Variants in ADAT2 observed in about 807,000 individuals in gnomAD.
ADAT2 encodes the protein tRNA-specific adenosine-34 deaminase catalytic subunit ADAT2.
Under a neutral mutation model 25.9 loss-of-function variants are expected in ADAT2, and 26 were observed. That is an observed-to-expected ratio of 1.00 (90% CI 0.74 to 1.39). The LOEUF is 1.39. ADAT2 is among the 40% of genes most tolerant of loss of function. The pLI is 0.00. For missense variants in ADAT2, 220 were observed against 244.8 expected (o/e 0.90, Z 0.68); for synonymous variants, 76 against 86.8 (o/e 0.88, Z 0.69).
intron 2 of ADAT2, among the ~76,000 whole-genome samples, chr6:143,438,233 T>G (rs900375837): frequency 6.6e-6 from 1 of 152,210 alleles, no homozygotes; most frequent in Non-Finnish European, 1.5e-5. Context: ...TATATTAGAT[T>G]GGCTTAAAGT....
intron 4 of ADAT2, among the ~76,000 whole-genome samples, chr6:143,429,664 G>T (rs1305924812): frequency 6.6e-6 from 1 of 152,180 alleles, no homozygotes; most frequent in Non-Finnish European, 1.5e-5. Flanking sequence ...AATATGTACG[G>T]CTTTGAAAGC....
rs900742509 is a variant in ADAT2, at chr6:143,427,970, A to G, written c.*493T>C. The G allele has an allele frequency of 6.3e-6, 1 of 159,542 alleles. No homozygotes were observed. Among genetic ancestry groups the G allele is most frequent in the South Asian group, 1.8e-4 (1 of 5,672 alleles). The allele number at this position is 159,542 out of a possible 1,614,324, so 9.9% of individuals were successfully genotyped here. On this transcript the variant is annotated 3_prime_UTR_variant, in exon 6 of 6. Coordinates refer to ENST00000237283, the MANE Select transcript of ADAT2 (RefSeq NM_182503.3). ...TATAATTATGGTCTCTATATACACAACTTATATACAATTTAGAGAGAAGTC... is the reference window on the plus strand; with the variant it reads ...TATAATTATGGTCTCTATATACACAGCTTATATACAATTTAGAGAGAAGTC...
chr6:143,442,473 G>GCACA lies in ADAT2; in HGVS notation c.97-3780_97-3779insTGTG, dbSNP rs1294957925. On this transcript the variant is annotated intron_variant, in intron 1 of 5. Transcript: ENST00000237283. The surrounding 1 kb of genome is among the most constrained non-coding windows in gnomAD (Gnocchi z 4.6). ...AAACATGACAAAATTGCATAGGCAC[G>GCACA]CATACACACACACACACACACACAC... Among the ~76,000 whole-genome samples the GCACA allele has an allele frequency of 3.6e-4, 27 of 75,102 alleles. No individual in the cohort carries two copies. Among genetic ancestry groups the GCACA allele is most frequent in the African/African-American group, 1.1e-3 (21 of 19,444 alleles). The allele number at this position is 75,102 out of a possible 152,430, so 49.3% of individuals were successfully genotyped here.
chr6:143,442,463 G>A lies in ADAT2; in HGVS notation c.97-3769C>T, dbSNP rs74648879. ...ATACAAAGCTAAACATGACAAAATT[G>A]CATAGGCACGCATACACACACACAC... On this transcript the variant is annotated intron_variant, in intron 1 of 5. Coordinates refer to ENST00000237283, the MANE Select transcript of ADAT2 (RefSeq NM_182503.3). The surrounding 1 kb of genome is among the most constrained non-coding windows in gnomAD (Gnocchi z 4.6). 2.6e-3 allele frequency among the ~76,000 whole-genome samples: 345 copies of A among 130,314 alleles called. 7 individuals are homozygous for A. In the East Asian group the frequency reaches 0.057, roughly 22 times the overall value. The allele number at this position is 130,314 out of a possible 152,430, so 85.5% of individuals were successfully genotyped here. A position where few individuals can be genotyped will look rare whatever the true frequency, so the allele number is the denominator to read the frequency against.
In ADAT2 at chr6:143,423,795, A is replaced by C. The variant is rs551466905; in HGVS notation, c.*4668T>G. ...TTACACATCAAAAGTAGGGGATGAGAAATTTCATAGATATTGGGGATGTGG... is the reference window on the plus strand; with the variant it reads ...TTACACATCAAAAGTAGGGGATGAGCAATTTCATAGATATTGGGGATGTGG... On this transcript the variant is annotated 3_prime_UTR_variant, in exon 6 of 6. Transcript: ENST00000237283. 3.9e-5 allele frequency: 6 copies of C among 152,334 alleles called. No homozygotes were observed. The highest frequency in any genetic ancestry group is 1.4e-4 in the African/African-American group (6 of 41,568). The allele number at this position is 152,334 out of a possible 1,614,324, so 9.4% of individuals were successfully genotyped here.
chr6:143,443,117 A>G (rs1157579989), intron 1 of ADAT2, among the ~76,000 whole-genome samples: 1 of 151,046 alleles, frequency 6.6e-6, no homozygotes, highest in Non-Finnish European at 1.5e-5. Flanking sequence ...GATCTTCCCC[A>G]TTTTACAGAT....
chr6:143,448,017 A>G (rs996825305), intron 1 of ADAT2, among the ~76,000 whole-genome samples: 5 of 152,208 alleles, frequency 3.3e-5, no homozygotes, highest in African/African-American at 9.7e-5. Context: ...TCAATTATAG[A>G]CTGGATTAAG....
Position 143,433,954 on chromosome 6 carries a change from T to C in ADAT2, c.229A>G (p.Ile77Val), listed in dbSNP as rs1310319491. ...NATRHAEMVA[I>V]DQVLDWCRQS... The stretch of plus-strand genomic sequence containing the variant: ...CGACACCAATCGAGGACCTGATCGA[T>C]GGCCACCATTTCTGCATGTCGAGTA... The change falls in exon 3 of 6, where the codon ATC (isoleucine) becomes GTC (valine). Residue 77 changes from isoleucine to valine, a missense_variant. Physicochemically the swap from Ile to Val is conservative, Grantham distance 29. Transcript: ENST00000237283. 1 of 1,613,990 alleles carries C rather than the reference T, an allele frequency of 6.2e-7. No homozygotes were observed. The highest frequency in any genetic ancestry group is 2.2e-5 in the East Asian group (1 of 44,898).
rs553238071 is a variant in ADAT2 at position 143,444,025 on chromosome 6, T to C, written c.97-5331A>G. Among the ~76,000 whole-genome samples the C allele has an allele frequency of 2.0e-4, 31 of 152,178 alleles. No homozygotes were observed. The highest frequency in any genetic ancestry group is 6.7e-4 in the African/African-American group (28 of 41,512). On this transcript the variant is annotated intron_variant, in intron 1 of 5. Coordinates refer to ENST00000237283, the MANE Select transcript of ADAT2 (RefSeq NM_182503.3). The surrounding 1 kb of genome is among the most constrained non-coding windows in gnomAD (Gnocchi z 4.3). ...GTGGGATGGGAGATGAGATTCCATGTTGCCTGCAAGTTCTGTCTTGTTCAC... is the reference window on the plus strand; with the variant it reads ...GTGGGATGGGAGATGAGATTCCATGCTGCCTGCAAGTTCTGTCTTGTTCAC...
At position 143,425,132 on chromosome 6, in the gene ADAT2, AAC is replaced by A. The variant is rs1778890398; in HGVS notation, c.*3329_*3330del. 6.6e-6 allele frequency: 1 copy of A among 152,182 alleles called. No homozygotes were observed. Among genetic ancestry groups the A allele is most frequent in the Non-Finnish European group, 1.5e-5 (1 of 68,042 alleles). The allele number at this position is 152,182 out of a possible 1,614,324, so 9.4% of individuals were successfully genotyped here. On this transcript the variant is annotated 3_prime_UTR_variant, in exon 6 of 6. Transcript: ENST00000237283. ...CTATTATTTAAAAAAAGAAGAAGAAAACAGAAAGGAGGCAAAATGACTGTATT... is the reference window on the plus strand; with the variant it reads ...CTATTATTTAAAAAAAGAAGAAGAAAAGAAAGGAGGCAAAATGACTGTATT...
rs939656815 is a variant in ADAT2, at chr6:143,442,557, A to G, written c.97-3863T>C. On this transcript the variant is annotated intron_variant, in intron 1 of 5. Coordinates refer to ENST00000237283, the MANE Select transcript of ADAT2 (RefSeq NM_182503.3). This position sits in a 1 kb window ranked among gnomAD's most constrained non-coding sequence, Gnocchi z 4.6. ...TCTTAATAAGCTCTGCAGTTTTCCCAATGCATTTTTCCTGGTTTTGATACT... is the reference window on the plus strand; with the variant it reads ...TCTTAATAAGCTCTGCAGTTTTCCCGATGCATTTTTCCTGGTTTTGATACT... 6.6e-6 allele frequency among the ~76,000 whole-genome samples: 1 copy of G among 151,754 alleles called. No homozygotes were observed. Among genetic ancestry groups the G allele is most frequent in the Non-Finnish European group, 1.5e-5 (1 of 67,982 alleles).
At position 143,432,519 on chromosome 6, in the gene ADAT2, C is replaced by CAGTGTT. The variant is rs1779145253; in HGVS notation, c.439_444dup (p.Asn147_Thr148dup). 2.5e-6 allele frequency: 4 copies of CAGTGTT among 1,613,944 alleles called. No individual in the cohort carries two copies. The Admixed American group carries it at 5.0e-5, about 20-fold the overall frequency. ...GTTTGTATTACCTGAAATGGTCTCC[C>CAGTGTT]AGTGTTTGGTAGGTCAGCAGAGGCA... On this transcript the variant is annotated inframe_insertion, in exon 4 of 6. Coordinates refer to ENST00000237283, the MANE Select transcript of ADAT2 (RefSeq NM_182503.3). The surrounding 1 kb of genome is among the most constrained non-coding windows in gnomAD (Gnocchi z 4.4).
Position 143,446,929 on chromosome 6 carries a change from C to T in ADAT2, c.96+3634G>A, listed in dbSNP as rs1779617083. Among the ~76,000 whole-genome samples, 1 of 152,172 alleles carries T rather than the reference C, an allele frequency of 6.6e-6. No individual in the cohort carries two copies. Among genetic ancestry groups the T allele is most frequent in the South Asian group, 2.1e-4 (1 of 4,816 alleles). On this transcript the variant is annotated intron_variant, in intron 1 of 5. Coordinates refer to ENST00000237283, the MANE Select transcript of ADAT2 (RefSeq NM_182503.3). The surrounding 1 kb of genome is among the most constrained non-coding windows in gnomAD (Gnocchi z 5.0). ...ACACACCAAGAGTGCAACACTATTA[C>T]TTAGTCATACTTCTTTTTTCCAAGC...
At chr6:143,429,935 C>T (rs1779057235) in intron 4 of ADAT2, among the ~76,000 whole-genome samples, 1 of 152,188 alleles carries the variant, frequency 6.6e-6, no homozygotes, top group African/African-American at 2.4e-5. Context: ...TGACACCCTG[C>T]TCCTGCCTTC....
chr6:143,445,609 T>C (rs1779578740), intron 1 of ADAT2, among the ~76,000 whole-genome samples: 1 of 152,216 alleles, frequency 6.6e-6, no homozygotes, highest in African/African-American at 2.4e-5. Context: ...CCAGCTGTTA[T>C]CTGACAGCAC....
At position 143,424,330 on chromosome 6, in the gene ADAT2, A is replaced by G. The variant is rs1778868629; in HGVS notation, c.*4133T>C. The G allele has an allele frequency of 6.6e-6, 1 of 152,252 alleles. No individual in the cohort carries two copies. Among genetic ancestry groups the G allele is most frequent in the African/African-American group, 2.4e-5 (1 of 41,470 alleles). The allele number at this position is 152,252 out of a possible 1,614,324, so 9.4% of individuals were successfully genotyped here. A position where few individuals can be genotyped will look rare whatever the true frequency, so the allele number is the denominator to read the frequency against. On this transcript the variant is annotated 3_prime_UTR_variant, in exon 6 of 6. Transcript: ENST00000237283. This position sits in a 1 kb window ranked among gnomAD's most constrained non-coding sequence, Gnocchi z 4.8. ...TTCACGTAGGACCACTGGGAAAGAC[A>G]AGCTTTGGCATCACCACAGATTTTT...
Position 143,434,030 on chromosome 6 carries a change from A to C in ADAT2, c.202-49T>G, listed in dbSNP as rs759297667. ...CTGATGCTGTTTGCTTCATGTGACT[A>C]CTATTTTACAAATATACAAAAACTA... On this transcript the variant is annotated intron_variant, in intron 2 of 5. Transcript: ENST00000237283. This position sits in a 1 kb window ranked among gnomAD's most constrained non-coding sequence, Gnocchi z 4.5. 4.4e-6 allele frequency: 7 copies of C among 1,600,634 alleles called. No homozygotes were observed. The highest frequency in any genetic ancestry group is 5.1e-6 in the Non-Finnish European group (6 of 1,175,094).
rs1779431718 is a variant in ADAT2 at position 143,440,618 on chromosome 6, T to A, written c.97-1924A>T. Among the ~76,000 whole-genome samples, 2 of 152,332 alleles carry A rather than the reference T, an allele frequency of 1.3e-5. No individual in the cohort carries two copies. Among genetic ancestry groups the A allele is most frequent in the Admixed American group, 1.3e-4 (2 of 15,298 alleles). ...ACAGGCCGGTTGTGTCCCAGTTCTG[T>A]GACAGTGGTTAAAGCATGTCCAGTT... On this transcript the variant is annotated intron_variant, in intron 1 of 5. Coordinates refer to ENST00000237283, the MANE Select transcript of ADAT2 (RefSeq NM_182503.3). The surrounding 1 kb of genome is among the most constrained non-coding windows in gnomAD (Gnocchi z 4.5).
rs780291945 is a variant in ADAT2 at position 143,438,597 on chromosome 6, GT to G, written c.193del (p.Thr65ProfsTer52). Reference sequence around the variant, plus strand: ...ACTGCTCAACTCACATACATTTTTGGTTTGGTTAACTTCATTTCTCCCCTTC... The same window carrying G: ...ACTGCTCAACTCACATACATTTTTGGTTGGTTAACTTCATTTCTCCCCTTC... ...VGKGRNEVNQTKNATRHAEMV... is the reference protein window; with the variant it reads ...VGKGRNEVNQXKNATRHAEMV... On this transcript the variant is annotated frameshift_variant, in exon 2 of 6. Transcript: ENST00000237283. LOFTEE classifies it high-confidence loss of function. 1.2e-6 allele frequency: 2 copies of G among 1,612,242 alleles called. No individual in the cohort carries two copies. Among genetic ancestry groups the G allele is most frequent in the East Asian group, 2.2e-5 (1 of 44,850 alleles).
Sources: allele counts gnomAD v4.1 joint callset (sites outside exome capture counted in the v4.1 genomes callset), GRCh38; gene constraint gnomAD v4.1.1; non-coding constraint Gnocchi (gnomAD v3.1); transcripts MANE v1.5; gene names NCBI Gene and HGNC (gene_info 2026-07-23, HGNC 2026-07-21).